ZFHX4: variants seen among roughly 807,000 people sequenced by gnomAD.
ZFHX4 encodes the protein zinc finger homeobox 4.
ZFHX4 carries 56 observed loss-of-function variants against 267.6 expected under a neutral mutation model. The observed-to-expected ratio is 0.21, with a 90% CI of 0.17 to 0.26. The LOEUF is 0.26. Ranked by LOEUF, ZFHX4 falls within the 10% of genes least tolerant of loss-of-function variation. The pLI is 1.00. For missense variants in ZFHX4, 4,332 were observed against 4,420.0 expected (o/e 0.98, Z 0.56); for synonymous variants, 1,778 against 1,665.6 (o/e 1.07, Z -1.64).
intron 4 of ZFHX4, among the ~76,000 whole-genome samples, chr8:76,818,590 A>G (rs1299260551): frequency 6.6e-6 from 1 of 151,970 alleles, no homozygotes; most frequent in African/African-American, 2.4e-5. Context: ...GCACTGAGGT[A>G]GGGCCCAACA....
At chr8:76,833,842 T>C (rs1027336904) in intron 5 of ZFHX4, among the ~76,000 whole-genome samples, 1 of 152,162 alleles carries the variant, frequency 6.6e-6, no homozygotes, top group African/African-American at 2.4e-5. Flanking sequence ...TAATATCATA[T>C]AGAACAGTTT....
intron 1 of ZFHX4, among the ~76,000 whole-genome samples, chr8:76,698,964 C>G (rs577849653): frequency 1.3e-5 from 2 of 152,204 alleles, no homozygotes; most frequent in South Asian, 2.1e-4. Flanking sequence ...GAGGGTGTAA[C>G]AGAAGAGCCC....
At chr8:76,733,875 A>T (rs1436461509) in intron 3 of ZFHX4, among the ~76,000 whole-genome samples, 1 of 152,076 alleles carries the variant, frequency 6.6e-6, no homozygotes, top group Admixed American at 6.6e-5. Flanking sequence ...CCAGCTAACC[A>T]CTTTAAACCT....
chr8:76,747,040 G>T (rs368797471), intron 3 of ZFHX4, among the ~76,000 whole-genome samples: 12 of 152,056 alleles, frequency 7.9e-5, no homozygotes, highest in Admixed American at 2.6e-4. Flanking sequence ...AACTTCTCAC[G>T]TGCTAAATTC....
rs372556648 is a variant in ZFHX4 at position 76,851,511 on chromosome 8, G to C, written c.4590G>C (p.Thr1530=). The C allele has an allele frequency of 1.2e-6, 2 of 1,613,868 alleles. No homozygotes were observed. The highest frequency in any genetic ancestry group is 1.7e-5 in the Admixed American group (1 of 60,014). Residue 1530 remains threonine, a synonymous_variant, in exon 10 of 11, where the codon ACG becomes ACC. Transcript: ENST00000651372. ...TLPFRKGPNF[T]MEKFLDPSRP... Reference sequence around the variant, plus strand: ...CTTTTAGAAAAGGGCCCAATTTTACGATGGAAAAATTCCTTGATCCATCTC... The same window carrying C: ...CTTTTAGAAAAGGGCCCAATTTTACCATGGAAAAATTCCTTGATCCATCTC...
chr8:76,765,572 G>T (rs1417663786), intron 3 of ZFHX4, among the ~76,000 whole-genome samples: 2 of 152,008 alleles, frequency 1.3e-5, no homozygotes, highest in Admixed American at 6.6e-5. Context: ...CTTCTAAGTG[G>T]TATGGAACCA....
intron 3 of ZFHX4, among the ~76,000 whole-genome samples, chr8:76,777,458 C>A (rs1288586726): frequency 6.6e-6 from 1 of 152,052 alleles, no homozygotes; most frequent in East Asian, 1.9e-4. Flanking sequence ...TTAGATTAAA[C>A]TTCAAATTAA....
At chr8:76,769,437 C>T (rs980039624) in intron 3 of ZFHX4, among the ~76,000 whole-genome samples, 4 of 151,934 alleles carry the variant, frequency 2.6e-5, no homozygotes, top group Non-Finnish European at 4.4e-5. Context: ...ATGGCCTTGA[C>T]CTCCCAGGCT....
At chr8:76,731,904 A>C (rs1037716874) in intron 3 of ZFHX4, among the ~76,000 whole-genome samples, 3 of 136,986 alleles carry the variant, frequency 2.2e-5, no homozygotes, top group African/African-American at 7.9e-5. Context: ...TTGAGACAGA[A>C]GCTCGCTCTA....
chr8:76,774,573 C>T (rs1810355250), intron 3 of ZFHX4, among the ~76,000 whole-genome samples: 1 of 151,656 alleles, frequency 6.6e-6, no homozygotes, highest in Admixed American at 6.6e-5. Flanking sequence ...GATGTAAAAA[C>T]CTAAAGGAGA....
intron 3 of ZFHX4, among the ~76,000 whole-genome samples, chr8:76,715,757 T>C (rs1393308110): frequency 6.6e-6 from 1 of 152,138 alleles, no homozygotes; most frequent in Non-Finnish European, 1.5e-5. Flanking sequence ...TTTCCTTATC[T>C]TTAAGGAAAT....
At chr8:76,782,112 T>A in intron 4 of ZFHX4, 1 of 359,042 alleles carries the variant, frequency 2.8e-6, no homozygotes, top group East Asian at 7.4e-5. Context: ...TTTTTTTTTT[T>A]TTTTTTTTTT....
chr8:76,706,729 G>T, intron 2 of ZFHX4, 51 bp downstream of exon 2: 1 of 1,464,036 alleles, frequency 6.8e-7, no homozygotes, highest in South Asian at 1.5e-5. Flanking sequence ...ATCACATTTT[G>T]ATTTGGCGTG....
chr8:76,856,357 C>T (rs1812728411), intron 10 of ZFHX4, 57 bp downstream of exon 10: 15 of 1,584,336 alleles, frequency 9.5e-6, no homozygotes, highest in Non-Finnish European at 1.3e-5. Flanking sequence ...GGTAGACAGT[C>T]ACATGTAACC....
At chr8:76,729,792 TCCAGA>T (rs1440917549) in intron 3 of ZFHX4, among the ~76,000 whole-genome samples, 1 of 152,156 alleles carries the variant, frequency 6.6e-6, no homozygotes, top group Non-Finnish European at 1.5e-5. Context: ...ATTGAAAAGC[TCCAGA>T]CCAGGGTAAC....
chr8:76,841,710 T>C (rs923789778), intron 5 of ZFHX4, among the ~76,000 whole-genome samples: 3 of 152,198 alleles, frequency 2.0e-5, no homozygotes, highest in African/African-American at 7.2e-5. Flanking sequence ...AATTCCTACC[T>C]GAACAGGGGA....
chr8:76,797,776 T>C (rs1811014479), intron 4 of ZFHX4, among the ~76,000 whole-genome samples: 1 of 152,134 alleles, frequency 6.6e-6, no homozygotes, highest in Non-Finnish European at 1.5e-5. Context: ...CTCAATACTG[T>C]GGTCAGTGTA....
intron 4 of ZFHX4, among the ~76,000 whole-genome samples, chr8:76,831,220 CT>C (rs1364955186): frequency 6.6e-6 from 1 of 152,114 alleles, no homozygotes; most frequent in African/African-American, 2.4e-5. Flanking sequence ...TTTCATTAAT[CT>C]TTAAGGAATA....
intron 1 of ZFHX4, among the ~76,000 whole-genome samples, chr8:76,686,130 A>C (rs914157840): frequency 6.6e-6 from 1 of 152,188 alleles, no homozygotes; most frequent in Non-Finnish European, 1.5e-5. Flanking sequence ...CAAGTTCCGC[A>C]CAGCTGCACG....
Sources: allele counts gnomAD v4.1 joint callset (sites outside exome capture counted in the v4.1 genomes callset), GRCh38; gene constraint gnomAD v4.1.1; transcripts MANE v1.5; gene names NCBI Gene and HGNC (gene_info 2026-07-23, HGNC 2026-07-21).